PRDM12: variants seen among roughly 807,000 people sequenced by gnomAD.
The protein encoded by PRDM12 is PR domain zinc finger protein 12.
PRDM12 carries 17 observed loss-of-function variants against 29.6 expected under a neutral mutation model. The observed-to-expected ratio is 0.57, with a 90% confidence interval of 0.39 to 0.86. The LOEUF (loss-of-function observed/expected upper bound fraction) is 0.86, where lower values mean the gene tolerates loss of function less well. PRDM12 is among the 40% of genes least tolerant of loss of function. The probability of loss-of-function intolerance (pLI) is 0.00; values close to 1 mark genes in which losing one functional copy is unlikely to be tolerated. For missense variants in PRDM12, 422 were observed against 510.8 expected, an observed-to-expected ratio of 0.83 and a Z score of 1.68; for synonymous variants, 231 against 225.8, an observed-to-expected ratio of 1.02 and a Z score of -0.21.
At chr9:130,669,422 C>T (rs1348556739) in intron 3 of PRDM12, among the ~76,000 whole-genome samples, 2 of 152,040 alleles carry the variant, frequency 1.3e-5, no homozygotes, top group Non-Finnish European at 2.9e-5. Context: ...ACTCAGGAGG[C>T]TGAGGCATGA....
intron 4 of PRDM12, among the ~76,000 whole-genome samples, chr9:130,678,858 C>G (rs569767744): frequency 6.6e-6 from 1 of 152,092 alleles, no homozygotes; most frequent in Non-Finnish European, 1.5e-5. Flanking sequence ...GGTCCTCCTG[C>G]TTCCTGGCCA....
At chr9:130,666,824 C>T in intron 2 of PRDM12, 26 bp downstream of exon 2, 2 of 1,563,080 alleles carry the variant, frequency 1.3e-6, no homozygotes, top group East Asian at 2.4e-5. Context: ...GGCAGAGGGG[C>T]GCAAGGGCCG....
At chr9:130,675,692 C>A (rs190851477) in intron 3 of PRDM12, among the ~76,000 whole-genome samples, 1 of 152,346 alleles carries the variant, frequency 6.6e-6, no homozygotes, top group East Asian at 1.9e-4. Context: ...TGTGAGGAAA[C>A]AGGCCCCACG....
intron 3 of PRDM12, among the ~76,000 whole-genome samples, chr9:130,671,394 C>G (rs1360232517): frequency 6.6e-6 from 1 of 151,658 alleles, no homozygotes; most frequent in Non-Finnish European, 1.5e-5. Flanking sequence ...CACACACACA[C>G]ACACACACAC....
At chr9:130,670,496 G>C (rs955037298) in intron 3 of PRDM12, among the ~76,000 whole-genome samples, 3 of 152,176 alleles carry the variant, frequency 2.0e-5, no homozygotes, top group African/African-American at 7.2e-5. Flanking sequence ...AATTGGGTTT[G>C]AAGTGAGGTA....
At chr9:130,665,811 T>C (rs963002876) in intron 1 of PRDM12, among the ~76,000 whole-genome samples, 2 of 152,156 alleles carry the variant, frequency 1.3e-5, no homozygotes, top group Admixed American at 6.5e-5. Context: ...CCCAGGTAGC[T>C]TAGAGGGGAA....
chr9:130,666,270 G>A (rs1183439617), intron 1 of PRDM12, among the ~76,000 whole-genome samples: 1 of 152,220 alleles, frequency 6.6e-6, no homozygotes, highest in Non-Finnish European at 1.5e-5. Flanking sequence ...CGCTGCCGTT[G>A]GCTCATTAAT....
At chr9:130,665,021 A>T in intron 1 of PRDM12, 145 bp downstream of exon 1, 1 of 846,128 alleles carries the variant, frequency 1.2e-6, no homozygotes, top group Non-Finnish European at 1.8e-6. Context: ...GGTGCACCTC[A>T]GTTTCCCCAT....
At chr9:130,676,781 C>T (rs1240961807) in intron 3 of PRDM12, among the ~76,000 whole-genome samples, 3 of 152,198 alleles carry the variant, frequency 2.0e-5, no homozygotes, top group Non-Finnish European at 4.4e-5. Context: ...GCCATGATGC[C>T]CCGTGAACCA....
chr9:130,670,711 C>G (rs112212799), intron 3 of PRDM12, among the ~76,000 whole-genome samples: 11 of 152,318 alleles, frequency 7.2e-5, no homozygotes, highest in African/African-American at 2.6e-4. Flanking sequence ...ACGCTCTTTC[C>G]CAGCCATCCT....
chr9:130,675,946 A>T (rs994886787), intron 3 of PRDM12, among the ~76,000 whole-genome samples: 2 of 152,068 alleles, frequency 1.3e-5, no homozygotes, highest in Non-Finnish European at 1.5e-5. Context: ...TTGGGGGGAA[A>T]CTCAGGGACC....
intron 4 of PRDM12, among the ~76,000 whole-genome samples, chr9:130,680,511 T>C (rs1202987399): frequency 6.8e-6 from 1 of 148,070 alleles, no homozygotes; most frequent in Non-Finnish European, 1.5e-5. Context: ...TGCACACCTG[T>C]ATTCCCAGGG....
At chr9:130,673,170 C>A (rs1387621275) in intron 3 of PRDM12, among the ~76,000 whole-genome samples, 2 of 149,914 alleles carry the variant, frequency 1.3e-5, no homozygotes, top group Admixed American at 1.4e-4. Flanking sequence ...CCAGCCAGGC[C>A]AGGCCTGAGT....
rs1182671986 is a variant in PRDM12 at position 130,668,577 on chromosome 9, C to T, written c.570+264C>T. Among the ~76,000 whole-genome samples, 2 of 152,322 alleles carry T rather than the reference C, an allele frequency of 1.3e-5. No individual in the cohort carries two copies. The highest frequency in any genetic ancestry group is 3.9e-4 in the East Asian group (2 of 5,178). ...CAACTTGACGGCATTGGGAATGTCA[C>T]GAGCATCTCCATAGTGAGGTCCCCA... On this transcript the variant is annotated intron_variant, in intron 3 of 4. Coordinates refer to ENST00000253008, the MANE Select transcript of PRDM12 (RefSeq NM_021619.3). The surrounding 1 kb of genome is among the most constrained non-coding windows in gnomAD (Gnocchi z 4.0).
rs1192539029 is a variant in PRDM12 at position 130,666,663 on chromosome 9, C to T, written c.279C>T (p.Ser93=). ...CTGCGGAGGTGATCATCGCTCAGAG[C>T]TCCATCCCTGGCGAGGGCCTCGGCA... The part of the protein sequence containing the change: ...VLPAEVIIAQ[S]SIPGEGLGIF... Residue 93 remains serine (S), a synonymous_variant, in exon 2 of 5, where the codon AGC becomes AGT. Transcript: ENST00000253008. 6.2e-7 allele frequency: 1 copy of T among 1,613,324 alleles called. No individual in the cohort carries two copies.
At position 130,668,253 on chromosome 9, in the gene PRDM12, A is replaced by G. The variant is rs753560287; in HGVS notation, c.510A>G (p.Glu170=). 6.2e-7 allele frequency: 1 copy of G among 1,614,178 alleles called. No homozygotes were observed. Among genetic ancestry groups the G allele is most frequent in the Non-Finnish European group, 8.5e-7 (1 of 1,180,032 alleles). ...CCTACATCAAGTGTGCACGTAACGAACAGGAGCAGAACCTGGAGGTGGTCC... is the reference window on the plus strand; with the variant it reads ...CCTACATCAAGTGTGCACGTAACGAGCAGGAGCAGAACCTGGAGGTGGTCC... ...WMTYIKCARN[E]QEQNLEVVQI... is the part of the protein sequence containing the mutation. Residue 170 remains glutamate (E), a synonymous_variant, in exon 3 of 5, where the codon GAA becomes GAG. Coordinates refer to ENST00000253008, the MANE Select transcript of PRDM12 (RefSeq NM_021619.3). The surrounding 1 kb of genome is among the most constrained non-coding windows in gnomAD (Gnocchi z 4.0).
rs185578078 is a variant in PRDM12 at position 130,668,489 on chromosome 9, G to C, written c.570+176G>C. 6.6e-6 allele frequency among the ~76,000 whole-genome samples: 1 copy of C among 152,218 alleles called. No individual in the cohort carries two copies. The highest frequency in any genetic ancestry group is 1.5e-5 in the Non-Finnish European group (1 of 68,042). On this transcript the variant is annotated intron_variant, in intron 3 of 4. Transcript: ENST00000253008. The surrounding 1 kb of genome is among the most constrained non-coding windows in gnomAD (Gnocchi z 4.0). ...AGACAGGTGGGTCTCCAGACATCCC[G>C]CTGTCCAGGTGTGTGACCTCCATGG...
At position 130,681,324 on chromosome 9, in the gene PRDM12, C is replaced by G; in HGVS notation, c.759C>G (p.Asn253Lys). ...GCGTCATCTGCCACCGCGGCTTCAACTCGCGCAGCAACCTGCGCTCGCACA... is the reference window on the plus strand; with the variant it reads ...GCGTCATCTGCCACCGCGGCTTCAAGTCGCGCAGCAACCTGCGCTCGCACA... Reference protein sequence around the residue: ...MRCVICHRGFNSRSNLRSHMR... With the variant: ...MRCVICHRGFKSRSNLRSHMR... The change falls in exon 5 of 5, where the codon AAC becomes AAG. Residue 253 changes from asparagine (N) to lysine (K), a missense_variant. Physicochemically the swap from Asn to Lys is moderately conservative, Grantham distance 94. This residue lies in a region of PRDM12 where 300 missense variants were observed against 350.0 expected (regional missense o/e 0.86). Transcript: ENST00000253008. This position sits in a 1 kb window ranked among gnomAD's most constrained non-coding sequence, Gnocchi z 8.1. 1 of 1,559,710 alleles carries G rather than the reference C, an allele frequency of 6.4e-7. No individual in the cohort carries two copies. The highest frequency in any genetic ancestry group is 8.7e-7 in the Non-Finnish European group (1 of 1,150,284).
chr9:130,680,634 A>AAAAAATATATAT (rs1469778040), intron 4 of PRDM12, among the ~76,000 whole-genome samples: 1 of 88,540 alleles, frequency 1.1e-5, no homozygotes, highest in African/African-American at 5.7e-5. Flanking sequence ...AAAAAAAAAA[A>AAAAAATATATAT]ATATATATAT....
Sources: gnomAD v4.1 joint callset for allele counts (sites outside exome capture counted in the v4.1 genomes callset) on GRCh38, gnomAD v4.1.1 for gene constraint, gnomAD v4.1.1 regional missense constraint, Gnocchi (gnomAD v3.1) non-coding constraint, MANE v1.5 for transcripts, NCBI Gene and HGNC (gene_info 2026-07-23, HGNC 2026-07-21) for gene names.